The following DSTN variants were observed in gnomAD, a reference collection of about 807,000 sequenced individuals.
The protein encoded by DSTN is destrin.
A neutral mutation model predicts 16.8 loss-of-function variants in DSTN; 10 were observed. The ratio of observed to expected loss-of-function variants is 0.60; its 90% CI spans 0.37 to 1.01. DSTN has a LOEUF of 1.01. DSTN is among the 50% of genes least tolerant of loss of function. DSTN has a pLI of 0.01. For synonymous variants in DSTN, 57 were observed against 58.9 expected (o/e 0.97, Z 0.14); for missense variants, 141 against 196.7 (o/e 0.72, Z 1.69).
At chr20:17,582,662 G>A (rs1011008859) in intron 1 of DSTN, among the ~76,000 whole-genome samples, 4 of 152,130 alleles carry the variant, frequency 2.6e-5, no homozygotes, top group Non-Finnish European at 4.4e-5. Flanking sequence ...GCAAAAGAAC[G>A]TATTTGGATC....
chr20:17,579,372 C>G (rs187867491), intron 1 of DSTN, among the ~76,000 whole-genome samples: 2 of 151,924 alleles, frequency 1.3e-5, no homozygotes, highest in Admixed American at 6.6e-5. Context: ...CTTACGAGTT[C>G]GAGACCGGCC....
intron 1 of DSTN, among the ~76,000 whole-genome samples, chr20:17,594,801 A>G (rs1013372353): frequency 1.3e-5 from 2 of 152,240 alleles, no homozygotes; most frequent in Non-Finnish European, 2.9e-5. Flanking sequence ...ATGAAAATCC[A>G]AAGAGTAAGA....
intron 1 of DSTN, among the ~76,000 whole-genome samples, chr20:17,587,366 A>G (rs910804722): frequency 7.9e-5 from 12 of 152,150 alleles, no homozygotes; most frequent in African/African-American, 2.4e-4. Flanking sequence ...TCCTGGGCCC[A>G]AGTGATCCTC....
intron 1 of DSTN, among the ~76,000 whole-genome samples, chr20:17,571,207 A>G (rs1370369460): frequency 6.6e-6 from 1 of 152,238 alleles, no homozygotes; most frequent in Non-Finnish European, 1.5e-5. Context: ...TAGTGTGCAC[A>G]CACTGTTACC....
rs2035655263 is a variant in DSTN at position 17,607,562 on chromosome 20, GC to G, written c.*417del. On this transcript the variant is annotated 3_prime_UTR_variant, in exon 4 of 4. Coordinates refer to ENST00000246069, the MANE Select transcript of DSTN (RefSeq NM_006870.4). ...AATTCTTTATTCTTCCTTGAGCTAAGCAGAATAATGGAATATAATATGTCTT... is the reference window on the plus strand; with the variant it reads ...AATTCTTTATTCTTCCTTGAGCTAAGAGAATAATGGAATATAATATGTCTT... 1 of 158,994 alleles carries G rather than the reference GC, an allele frequency of 6.3e-6. No individual in the cohort carries two copies. Among genetic ancestry groups the G allele is most frequent in the African/African-American group, 2.4e-5 (1 of 41,556 alleles). 9.8% of individuals were successfully genotyped at this position (158,994 alleles called of 1,614,324 possible). A position where few individuals can be genotyped will look rare whatever the true frequency, so the allele number is the denominator to read the frequency against.
chr20:17,571,145 T>G (rs1250941919), intron 1 of DSTN, among the ~76,000 whole-genome samples: 1 of 152,262 alleles, frequency 6.6e-6, no homozygotes, highest in Non-Finnish European at 1.5e-5. Flanking sequence ...ATTAGCTATT[T>G]AAAAACGTAT....
At chr20:17,585,527 G>GTAT (rs2035395711) in intron 1 of DSTN, among the ~76,000 whole-genome samples, 1 of 152,048 alleles carries the variant, frequency 6.6e-6, no homozygotes. Flanking sequence ...AATACTGAAA[G>GTAT]TATTATTCAC....
chr20:17,581,163 C>T (rs970458077), intron 1 of DSTN, among the ~76,000 whole-genome samples: 1 of 151,974 alleles, frequency 6.6e-6, no homozygotes, highest in Non-Finnish European at 1.5e-5. Context: ...TAGAGACATA[C>T]AAATGGGGAC....
At chr20:17,584,026 A>G (rs2035379539) in intron 1 of DSTN, among the ~76,000 whole-genome samples, 1 of 152,130 alleles carries the variant, frequency 6.6e-6, no homozygotes, top group South Asian at 2.1e-4. Flanking sequence ...GGCATGAGCC[A>G]TTACACCCAG....
intron 1 of DSTN, among the ~76,000 whole-genome samples, chr20:17,575,564 T>G (rs2035269454): frequency 1.3e-5 from 2 of 152,056 alleles, no homozygotes; most frequent in African/African-American, 2.4e-5. Flanking sequence ...TCAGGCTCAG[T>G]CAGTCCTCTA....
At chr20:17,577,915 T>A (rs1282639052) in intron 1 of DSTN, among the ~76,000 whole-genome samples, 2 of 152,180 alleles carry the variant, frequency 1.3e-5, no homozygotes, top group East Asian at 3.9e-4. Flanking sequence ...TTTCCAGTAA[T>A]GGATAAGAAT....
intron 2 of DSTN, 54 bp downstream of exon 2, chr20:17,601,099 G>T: frequency 6.6e-7 from 1 of 1,517,232 alleles, no homozygotes; most frequent in East Asian, 2.3e-5. Context: ...TTAGCACTCG[G>T]GAAGACCAGT....
chr20:17,600,516 C>G (rs1448187922), intron 1 of DSTN, among the ~76,000 whole-genome samples: 2 of 152,118 alleles, frequency 1.3e-5, no homozygotes, highest in African/African-American at 2.4e-5. Flanking sequence ...TTGAATGTTT[C>G]CTTACCCCTG....
At chr20:17,577,315 G>A (rs2035290113) in intron 1 of DSTN, among the ~76,000 whole-genome samples, 1 of 152,228 alleles carries the variant, frequency 6.6e-6, no homozygotes, top group Admixed American at 6.5e-5. Context: ...AATCTTTGAA[G>A]TCAGTTGTTG....
At chr20:17,570,629 G>C (rs1414551083) in intron 1 of DSTN, among the ~76,000 whole-genome samples, 1 of 149,988 alleles carries the variant, frequency 6.7e-6, no homozygotes, top group Non-Finnish European at 1.5e-5. Context: ...GTTGGCGTGG[G>C]TTTCCCCAGA....
chr20:17,592,759 A>G (rs570802528), intron 1 of DSTN, among the ~76,000 whole-genome samples: 12 of 152,318 alleles, frequency 7.9e-5, no homozygotes, highest in Non-Finnish European at 1.8e-4. Flanking sequence ...CCTGATCACC[A>G]TACAGACTCC....
intron 1 of DSTN, among the ~76,000 whole-genome samples, chr20:17,585,683 A>G (rs1249782556): frequency 1.3e-5 from 2 of 152,220 alleles, no homozygotes; most frequent in African/African-American, 4.8e-5. Context: ...ATACACATAT[A>G]TAGTTGTGTA....
At chr20:17,578,257 T>A (rs919089111) in intron 1 of DSTN, among the ~76,000 whole-genome samples, 2 of 152,236 alleles carry the variant, frequency 1.3e-5, no homozygotes, top group African/African-American at 4.8e-5. Flanking sequence ...ACTCTCATAG[T>A]AGGCCCACAT....
intron 1 of DSTN, among the ~76,000 whole-genome samples, chr20:17,600,149 CTTAT>C (rs1311370821): frequency 2.0e-5 from 3 of 152,102 alleles, no homozygotes; most frequent in Non-Finnish European, 4.4e-5. Context: ...TAGACATTTT[CTTAT>C]TTATTCTAAT....
Sources: gnomAD v4.1 joint callset for allele counts (sites outside exome capture counted in the v4.1 genomes callset) on GRCh38, gnomAD v4.1.1 for gene constraint, MANE v1.5 for transcripts, NCBI Gene and HGNC (gene_info 2026-07-23, HGNC 2026-07-21) for gene names.